The following SRGAP1 variants were observed in gnomAD, a reference collection of about 807,000 sequenced individuals.
The protein encoded by SRGAP1 is SLIT-ROBO Rho GTPase activating protein 1, also known as SLIT-ROBO Rho GTPase-activating protein 1.
Under a neutral mutation model 121.9 loss-of-function variants are expected in SRGAP1, and 43 were observed. The observed-to-expected ratio is 0.35, with a 90% CI of 0.28 to 0.46. The LOEUF is 0.46. Among genes scored for constraint, SRGAP1 ranks in the 20% least tolerant of loss-of-function variants. SRGAP1 has a pLI of 1.00. For synonymous variants in SRGAP1, 447 were observed against 485.4 expected (o/e 0.92, Z 1.04); for missense variants, 1,102 against 1,350.9 (o/e 0.82, Z 2.89).
At chr12:63,862,975 T>A (rs1220372796) in intron 1 of SRGAP1, among the ~76,000 whole-genome samples, 1 of 152,210 alleles carries the variant, frequency 6.6e-6, no homozygotes, top group Admixed American at 6.5e-5. Context: ...AGCACCTTTT[T>A]AGAAACTTGC....
At chr12:63,949,370 G>A (rs867171145) in intron 1 of SRGAP1, among the ~76,000 whole-genome samples, 20 of 142,472 alleles carry the variant, frequency 1.4e-4, no homozygotes, top group Admixed American at 2.8e-4. Flanking sequence ...GAAAAACTTG[G>A]TGTCTTGGAT....
intron 1 of SRGAP1, among the ~76,000 whole-genome samples, chr12:63,917,473 C>T (rs142062438): frequency 1.3e-5 from 2 of 152,204 alleles, no homozygotes; most frequent in African/African-American, 4.8e-5. Context: ...GTGTTGGGAG[C>T]AATGTGAGTC....
chr12:63,985,079 A>G (rs1446904468), intron 2 of SRGAP1, among the ~76,000 whole-genome samples: 2 of 151,486 alleles, frequency 1.3e-5, no homozygotes, highest in East Asian at 3.9e-4. Flanking sequence ...CCAGTGAAAT[A>G]TTCAAGTGCT....
chr12:63,954,759 G>GTAGGTTTGAATTAGAGCTT (rs1208469410), intron 1 of SRGAP1, among the ~76,000 whole-genome samples: 1 of 151,818 alleles, frequency 6.6e-6, no homozygotes, highest in Non-Finnish European at 1.5e-5. Context: ...CTACACAATT[G>GTAGGTTTGAATTAGAGCTT]TAGGTTTGAA....
chr12:63,849,102 C>T (rs1009313535), intron 1 of SRGAP1, among the ~76,000 whole-genome samples: 1 of 152,114 alleles, frequency 6.6e-6, no homozygotes, highest in East Asian at 1.9e-4. Flanking sequence ...GTCAAATTCT[C>T]AAAGACTTAG....
chr12:64,097,541 C>A, intron 15 of SRGAP1, 166 bp downstream of exon 15: 1 of 709,094 alleles, frequency 1.4e-6, no homozygotes, highest in Non-Finnish European at 2.2e-6. Context: ...AGTCATCCTC[C>A]CAGCTGTGGC....
chr12:63,949,396 T>TTTTTTATTATTA (rs1340353080), intron 1 of SRGAP1, among the ~76,000 whole-genome samples: 16 of 126,072 alleles, frequency 1.3e-4, no homozygotes, highest in African/African-American at 4.9e-4. Context: ...ATTTTTATTA[T>TTTTTTATTATTA]TTATTATTAT....
intron 3 of SRGAP1, among the ~76,000 whole-genome samples, chr12:64,003,292 GC>G (rs766447008): frequency 1.2e-4 from 18 of 151,954 alleles, no homozygotes; most frequent in Non-Finnish European, 2.2e-4. Context: ...TCACCATGTT[GC>G]CCAGGCTGGT....
At position 64,017,654 on chromosome 12, in the gene SRGAP1, C is replaced by CAA. The variant is rs1184835216; in HGVS notation, c.489+657_489+658dup. Among the ~76,000 whole-genome samples, 272 of 109,302 alleles carry CAA rather than the reference C, an allele frequency of 2.5e-3. 1 individual carries two copies. Among genetic ancestry groups the CAA allele is most frequent in the African/African-American group, 8.7e-3 (258 of 29,628 alleles). The allele number at this position is 109,302 out of a possible 152,430, so 71.7% of individuals were successfully genotyped here. ...TGGGCAACAGAGTGAGACTCTATCT[C>CAA]AAAAAAAAAAAAAAAATGTTGCCGT... On this transcript the variant is annotated intron_variant, in intron 4 of 21. Coordinates refer to ENST00000355086, the MANE Select transcript of SRGAP1 (RefSeq NM_020762.4).
At chr12:64,137,961 A>AAAAATATATATAT (rs372355390) in intron 21 of SRGAP1, among the ~76,000 whole-genome samples, 8 of 139,680 alleles carry the variant, frequency 5.7e-5, no homozygotes, top group South Asian at 2.2e-4. Flanking sequence ...TTAAAAAAAA[A>AAAAATATATATAT]ATATATATAT....
chr12:64,063,197 C>T, intron 7 of SRGAP1, 59 bp downstream of exon 7: 1 of 1,424,152 alleles, frequency 7.0e-7, no homozygotes, highest in East Asian at 2.3e-5. Flanking sequence ...TTTCTCCTCA[C>T]TTGCTATAAT....
At chr12:63,893,698 A>C (rs1900659490) in intron 1 of SRGAP1, among the ~76,000 whole-genome samples, 1 of 152,200 alleles carries the variant, frequency 6.6e-6, no homozygotes, top group Non-Finnish European at 1.5e-5. Context: ...TTGCATCACT[A>C]AGTCTGTTAC....
intron 1 of SRGAP1, among the ~76,000 whole-genome samples, chr12:63,937,930 T>C (rs1565958739): frequency 6.6e-6 from 1 of 152,222 alleles, no homozygotes; most frequent in African/African-American, 2.4e-5. Context: ...CGTGGCACGG[T>C]TGGCCTGGAA....
Position 64,093,840 on chromosome 12 carries a change from T to C in SRGAP1, c.1540-1092T>C, listed in dbSNP as rs188673976. Among the ~76,000 whole-genome samples the C allele has an allele frequency of 2.0e-3, 301 of 152,264 alleles. 1 individual carries two copies. Among genetic ancestry groups the C allele is most frequent in the South Asian group, 7.0e-3 (34 of 4,824 alleles). On this transcript the variant is annotated intron_variant, in intron 12 of 21. Transcript: ENST00000355086. ...GTGTTAAAACCTAAAATAAGACAAT[T>C]CCTTAAGAAGTATAATACCCATTCC...
chr12:63,914,462 C>A (rs1024421314), intron 1 of SRGAP1, among the ~76,000 whole-genome samples: 1 of 152,146 alleles, frequency 6.6e-6, no homozygotes, highest in African/African-American at 2.4e-5. Flanking sequence ...TTTCTGATGT[C>A]TCCCTATATC....
At chr12:64,141,231 C>G (rs2036953374) in intron 21 of SRGAP1, among the ~76,000 whole-genome samples, 1 of 146,094 alleles carries the variant, frequency 6.8e-6, no homozygotes, top group Non-Finnish European at 1.5e-5. Flanking sequence ...ATGTAACTAA[C>G]CTGCACAATG....
At chr12:64,080,402 C>A in intron 10 of SRGAP1, 32 bp downstream of exon 10, 2 of 1,464,070 alleles carry the variant, frequency 1.4e-6, no homozygotes, top group Non-Finnish European at 1.9e-6. Context: ...GGAAGATGAC[C>A]TGGATGATAC....
chr12:63,929,933 A>G (rs191691423), intron 1 of SRGAP1, among the ~76,000 whole-genome samples: 2 of 152,304 alleles, frequency 1.3e-5, no homozygotes, highest in East Asian at 3.9e-4. Flanking sequence ...GGCAACAAAC[A>G]GATGAAAAAA....
At chr12:63,880,227 G>A (rs1033950467) in intron 1 of SRGAP1, among the ~76,000 whole-genome samples, 10 of 151,952 alleles carry the variant, frequency 6.6e-5, no homozygotes, top group African/African-American at 1.7e-4. Context: ...CTGTGAGTCC[G>A]TTAAACCTCT....
Sources: gnomAD v4.1 joint callset for allele counts (sites outside exome capture counted in the v4.1 genomes callset) on GRCh38, gnomAD v4.1.1 for gene constraint, MANE v1.5 for transcripts, NCBI Gene and HGNC (gene_info 2026-07-23, HGNC 2026-07-21) for gene names.